The following CHN2 variants were observed in gnomAD, a reference collection of about 807,000 sequenced individuals.
CHN2 encodes chimerin 2, also known as beta-chimaerin.
In CHN2, 35 loss-of-function variants were observed where a neutral mutation model predicts 56.3. The ratio of observed to expected loss-of-function variants is 0.62; its 90% CI spans 0.47 to 0.82. The LOEUF (loss-of-function observed/expected upper bound fraction) is 0.82. Ranked by LOEUF, CHN2 falls within the 40% of genes least tolerant of loss-of-function variation. The pLI is 0.00. For missense variants in CHN2, 491 were observed against 580.5 expected, an observed-to-expected ratio of 0.85 and a Z score of 1.58; for synonymous variants, 210 against 212.8, an observed-to-expected ratio of 0.99 and a Z score of 0.12.
At chr7:29,336,474 G>T (rs1796623781) in intron 1 of CHN2, among the ~76,000 whole-genome samples, 1 of 152,018 alleles carries the variant, frequency 6.6e-6, no homozygotes, top group African/African-American at 2.4e-5. Flanking sequence ...AGCTGGGTGT[G>T]GTAGCATGCA....
intron 6 of CHN2, among the ~76,000 whole-genome samples, chr7:29,459,541 A>G (rs1001802172): frequency 1.3e-5 from 2 of 152,198 alleles, no homozygotes; most frequent in Non-Finnish European, 2.9e-5. Flanking sequence ...AGTTGCCTCA[A>G]GATGCAATAC....
At chr7:29,157,883 A>G (rs1584470961) in intron 2 of CHN2, among the ~76,000 whole-genome samples, 1 of 152,348 alleles carries the variant, frequency 6.6e-6, no homozygotes, top group Non-Finnish European at 1.5e-5. Flanking sequence ...TCATGTGCTA[A>G]TGTAAAAATG....
At chr7:29,324,200 A>G (rs974724219) in intron 1 of CHN2, among the ~76,000 whole-genome samples, 1 of 152,182 alleles carries the variant, frequency 6.6e-6, no homozygotes, top group Non-Finnish European at 1.5e-5. Flanking sequence ...AGGTTCTACA[A>G]TAGTGATGCT....
chr7:29,395,075 C>T (rs532897705), intron 4 of CHN2, among the ~76,000 whole-genome samples: 21 of 152,212 alleles, frequency 1.4e-4, no homozygotes, highest in African/African-American at 4.6e-4. Flanking sequence ...ATTCAGGAAA[C>T]GCACATACAC....
At chr7:29,375,055 A>T (rs1238489746) in intron 3 of CHN2, among the ~76,000 whole-genome samples, 1 of 145,874 alleles carries the variant, frequency 6.9e-6, no homozygotes, top group Non-Finnish European at 1.5e-5. Flanking sequence ...ACCCAGCTAA[A>T]TTTTTTGTAT....
intron 3 of CHN2, among the ~76,000 whole-genome samples, chr7:29,376,660 T>C (rs946191772): frequency 1.3e-5 from 2 of 152,222 alleles, no homozygotes; most frequent in Admixed American, 6.5e-5. Flanking sequence ...GATAGAAGAC[T>C]CAAGATGCTT....
chr7:29,321,570 CTT>C (rs59651474), intron 1 of CHN2, among the ~76,000 whole-genome samples: 30,753 of 128,050 alleles, frequency 0.24, 3,775 homozygotes, highest in East Asian at 0.33. Context: ...TTCTTTCTTT[CTT>C]TTTTTTTTTT....
intron 2 of CHN2, among the ~76,000 whole-genome samples, chr7:29,367,103 A>G (rs1207004380): frequency 6.6e-6 from 1 of 152,162 alleles, no homozygotes; most frequent in Non-Finnish European, 1.5e-5. Context: ...TTTTCACAGA[A>G]GTAGAATCCA....
intron 1 of CHN2, among the ~76,000 whole-genome samples, chr7:29,300,870 C>T (rs1036532374): frequency 2.0e-5 from 3 of 152,044 alleles, no homozygotes; most frequent in South Asian, 2.1e-4. Flanking sequence ...GAGCTTATCT[C>T]GTAAAACATG....
chr7:29,261,485 T>A (rs930912573), intron 1 of CHN2, among the ~76,000 whole-genome samples: 3 of 148,924 alleles, frequency 2.0e-5, no homozygotes, highest in African/African-American at 7.4e-5. Context: ...CTTACCACCC[T>A]AAGGACCACA....
chr7:29,374,801 T>TTTATTTCCTTCCTTCC (rs1799898954), intron 3 of CHN2, among the ~76,000 whole-genome samples: 1 of 128,186 alleles, frequency 7.8e-6, no homozygotes, highest in South Asian at 2.8e-4. Context: ...TATTTCTTTA[T>TTTATTTCCTTCCTTCC]TTCCTTCCTT....
chr7:29,255,660 G>A (rs944785215), intron 1 of CHN2, among the ~76,000 whole-genome samples: 2 of 152,198 alleles, frequency 1.3e-5, no homozygotes, highest in Non-Finnish European at 2.9e-5. Flanking sequence ...ACGGCAAGCT[G>A]GGTGACTCAA....
chr7:29,367,683 C>A (rs1799273578), intron 2 of CHN2, among the ~76,000 whole-genome samples: 1 of 152,054 alleles, frequency 6.6e-6, no homozygotes, highest in Admixed American at 6.5e-5. Context: ...ATGCCAGTAA[C>A]AATTATGAAA....
At chr7:29,503,528 C>T (rs545096339) in intron 9 of CHN2, among the ~76,000 whole-genome samples, 42 of 152,244 alleles carry the variant, frequency 2.8e-4, no homozygotes, top group Non-Finnish European at 1.0e-4. Flanking sequence ...CAGTAGTGGT[C>T]ACCTGAACAA....
At chr7:29,494,015 A>C (rs1158288768) in intron 7 of CHN2, among the ~76,000 whole-genome samples, 3 of 152,158 alleles carry the variant, frequency 2.0e-5, no homozygotes, top group African/African-American at 7.2e-5. Flanking sequence ...CTCTCCCCGC[A>C]ACTTTTGGTG....
chr7:29,486,691 C>G (rs1788046898), intron 7 of CHN2, among the ~76,000 whole-genome samples: 1 of 152,008 alleles, frequency 6.6e-6, no homozygotes, highest in Non-Finnish European at 1.5e-5. Flanking sequence ...CCAGGAGCAC[C>G]CCGTTCCCAT....
chr7:29,505,144 C>G (rs1161447424), intron 10 of CHN2, among the ~76,000 whole-genome samples: 1 of 152,094 alleles, frequency 6.6e-6, no homozygotes, highest in Non-Finnish European at 1.5e-5. Context: ...GAGGGCACCC[C>G]CAGCACTAAT....
intron 2 of CHN2, among the ~76,000 whole-genome samples, chr7:29,163,383 A>C (rs2128713965): frequency 6.6e-6 from 1 of 152,248 alleles, no homozygotes; most frequent in East Asian, 1.9e-4. Context: ...TCAACCTTAA[A>C]AATGTTTAAA....
At chr7:29,189,374 A>G (rs1346830968) in intron 2 of CHN2, among the ~76,000 whole-genome samples, 1 of 152,164 alleles carries the variant, frequency 6.6e-6, no homozygotes, top group Non-Finnish European at 1.5e-5. Flanking sequence ...TAGAGAATGA[A>G]TATATTGGAT....
Sources: allele counts gnomAD v4.1 joint callset (sites outside exome capture counted in the v4.1 genomes callset), GRCh38; gene constraint gnomAD v4.1.1; transcripts MANE v1.5; gene names NCBI Gene and HGNC (gene_info 2026-07-23, HGNC 2026-07-21).